The following SLC12A1 variants were observed in gnomAD, a reference collection of about 807,000 sequenced individuals.
SLC12A1 encodes solute carrier family 12 member 1, also known as Na-K-2Cl cotransporter.
Under a neutral mutation model 130.4 loss-of-function variants are expected in SLC12A1, and 89 were observed. That is an observed-to-expected ratio of 0.68 (90% CI 0.58 to 0.81). The LOEUF is 0.81. Among genes scored for constraint, SLC12A1 ranks in the 40% least tolerant of loss-of-function variants. SLC12A1 has a pLI of 0.00. For missense variants in SLC12A1, 1,310 were observed against 1,336.4 expected, an observed-to-expected ratio of 0.98 and a Z score of 0.31; for synonymous variants, 499 against 460.0, an observed-to-expected ratio of 1.08 and a Z score of -1.09.
chr15:48,253,079 G>A (rs1299252967), intron 15 of SLC12A1, among the ~76,000 whole-genome samples: 1 of 152,146 alleles, frequency 6.6e-6, no homozygotes, highest in Non-Finnish European at 1.5e-5. Flanking sequence ...TGCAGTGCAG[G>A]GTAACCCAGA....
In SLC12A1 at chr15:48,241,582, G is replaced by T. The variant is rs752272503; in HGVS notation, c.1283G>T (p.Gly428Val). The T allele has an allele frequency of 4.3e-6, 7 of 1,613,440 alleles. No homozygotes were observed. Among genetic ancestry groups the T allele is most frequent in the Non-Finnish European group, 5.9e-6 (7 of 1,179,562 alleles). The change falls in exon 10 of 27, where the codon GGG becomes GTG. Residue 428 changes from glycine to valine, a missense_variant. Physicochemically the swap from Gly to Val is moderately radical, Grantham distance 109. Transcript: ENST00000380993. Reference sequence around the variant, plus strand: ...TTCATCACCACTGTTGCCTACTTAGGGGTTGCAATTTGTGTAGGTAAGTGG... The same window carrying T: ...TTCATCACCACTGTTGCCTACTTAGTGGTTGCAATTTGTGTAGGTAAGTGG... ...AIFITTVAYLGVAICVGACVV... is the reference protein window; with the variant it reads ...AIFITTVAYLVVAICVGACVV...
chr15:48,226,002 C>CT (rs2141026243), intron 4 of SLC12A1: 1 of 498,864 alleles, frequency 2.0e-6, no homozygotes, highest in African/African-American at 2.1e-5. Flanking sequence ...AACACAGGCT[C>CT]TAACAGTTCA....
At chr15:48,239,870 C>A (rs1003410352) in intron 9 of SLC12A1, among the ~76,000 whole-genome samples, 1 of 151,608 alleles carries the variant, frequency 6.6e-6, no homozygotes, top group African/African-American at 2.4e-5. Context: ...AGGCTGCTCT[C>A]TAACTCCTGA....
chr15:48,267,128 G>T (rs2041840254), intron 17 of SLC12A1, among the ~76,000 whole-genome samples: 1 of 152,192 alleles, frequency 6.6e-6, no homozygotes, highest in Admixed American at 6.5e-5. Flanking sequence ...AGGTCACCAT[G>T]TTCTACCTCC....
intron 4 of SLC12A1, chr15:48,222,939 G>T (rs535376852): frequency 6.6e-6 from 1 of 152,334 alleles, no homozygotes; most frequent in Non-Finnish European, 1.5e-5. Flanking sequence ...GTTCCCAAAA[G>T]CAAAGGGCTG....
At chr15:48,214,274 AAAAC>A in intron 2 of SLC12A1, among the ~76,000 whole-genome samples, 1 of 152,328 alleles carries the variant, frequency 6.6e-6, no homozygotes, top group African/African-American at 2.4e-5. Context: ...TCTGGGAAAA[AAAAC>A]AAAAACAAAA....
chr15:48,212,439 A>T (rs1254225307), intron 2 of SLC12A1, among the ~76,000 whole-genome samples: 2 of 152,214 alleles, frequency 1.3e-5, no homozygotes, highest in Admixed American at 1.3e-4. Context: ...TGCACTCTGC[A>T]GTTTTTACCA....
intron 20 of SLC12A1, among the ~76,000 whole-genome samples, chr15:48,283,375 C>G (rs917436916): frequency 6.6e-6 from 1 of 152,224 alleles, no homozygotes; most frequent in Non-Finnish European, 1.5e-5. Flanking sequence ...TGTGACCCCC[C>G]AGTGCAATGC....
intron 17 of SLC12A1, among the ~76,000 whole-genome samples, chr15:48,260,447 C>A (rs1453858616): frequency 6.6e-6 from 1 of 151,668 alleles, no homozygotes; most frequent in Non-Finnish European, 1.5e-5. Flanking sequence ...ATTCTTCAAA[C>A]CATTTTTCTT....
intron 17 of SLC12A1, among the ~76,000 whole-genome samples, chr15:48,259,556 T>C (rs1469323749): frequency 3.3e-5 from 5 of 152,126 alleles, no homozygotes; most frequent in Admixed American, 6.5e-5. Context: ...TATTTCCAAA[T>C]GATGGCCTTT....
intron 5 of SLC12A1, chr15:48,228,584 TG>T: frequency 4.7e-6 from 1 of 214,034 alleles, no homozygotes; most frequent in South Asian, 6.1e-5. Context: ...TGTATATATA[TG>T]TTTATATATA....
chr15:48,249,484 C>T (rs1178124536), intron 13 of SLC12A1, 91 bp from the exon 14 acceptor site: 31 of 980,752 alleles, frequency 3.2e-5, no homozygotes, highest in Non-Finnish European at 4.9e-5. Context: ...TTTTCAATTT[C>T]CAAATAAATT....
At chr15:48,216,863 G>A (rs1049400567) in intron 2 of SLC12A1, among the ~76,000 whole-genome samples, 1 of 152,136 alleles carries the variant, frequency 6.6e-6, no homozygotes, top group Non-Finnish European at 1.5e-5. Flanking sequence ...GAGAAAAACA[G>A]AATTTTTAAT....
intron 2 of SLC12A1, among the ~76,000 whole-genome samples, chr15:48,219,855 C>T (rs1174290447): frequency 1.3e-5 from 2 of 151,920 alleles, no homozygotes; most frequent in Non-Finnish European, 2.9e-5. Flanking sequence ...GAGCTCGAGA[C>T]CAGCCTGGGC....
chr15:48,234,981 G>T lies in SLC12A1; in HGVS notation c.1192G>T (p.Ala398Ser). 1 of 1,613,830 alleles carries T rather than the reference G, an allele frequency of 6.2e-7. No individual in the cohort carries two copies. Among genetic ancestry groups the T allele is most frequent in the Non-Finnish European group, 8.5e-7 (1 of 1,179,838 alleles). The change falls in exon 9 of 27, where the codon GCC becomes TCC. Residue 398 changes from alanine to serine, a missense_variant. Transcript: ENST00000380993. The part of the protein sequence containing the change: ...FPAATGILAG[A>S]NISGDLEDPQ... Reference sequence around the variant, plus strand: ...AGCAGCTACTGGGATTCTTGCTGGTGCCAATATCTCAGGAGATTTGGAGGT... The same window carrying T: ...AGCAGCTACTGGGATTCTTGCTGGTTCCAATATCTCAGGAGATTTGGAGGT...
intron 11 of SLC12A1, 112 bp downstream of exon 11, chr15:48,245,016 A>T: frequency 1.0e-6 from 1 of 973,762 alleles, no homozygotes; most frequent in African/African-American, 1.6e-5. Flanking sequence ...ATAAGAATCC[A>T]GCATGGAATG....
chr15:48,256,053 A>T, intron 16 of SLC12A1, 143 bp downstream of exon 16: 1 of 653,566 alleles, frequency 1.5e-6, no homozygotes, highest in Non-Finnish European at 2.8e-6. Context: ...CCACATTTTC[A>T]TGACAGCACC....
At chr15:48,225,010 A>T (rs1463929710) in intron 4 of SLC12A1, 1 of 152,096 alleles carries the variant, frequency 6.6e-6, no homozygotes, top group Non-Finnish European at 1.5e-5. Flanking sequence ...ACATAGCTGG[A>T]TATATAGTAG....
intron 17 of SLC12A1, among the ~76,000 whole-genome samples, chr15:48,260,398 A>G (rs544893384): frequency 6.7e-6 from 1 of 150,132 alleles, no homozygotes; most frequent in African/African-American, 2.4e-5. Flanking sequence ...GAAAATTCTC[A>G]GCTATCAATG....
Sources: allele counts gnomAD v4.1 joint callset (sites outside exome capture counted in the v4.1 genomes callset), GRCh38; gene constraint gnomAD v4.1.1; transcripts MANE v1.5; gene names NCBI Gene and HGNC (gene_info 2026-07-23, HGNC 2026-07-21).